The following INPP5D variants were observed in gnomAD, a reference collection of about 807,000 sequenced individuals.
The protein encoded by INPP5D is phosphatidylinositol 3,4,5-trisphosphate 5-phosphatase 1.
INPP5D carries 33 observed loss-of-function variants against 122.9 expected under a neutral mutation model. The observed-to-expected ratio is 0.27, with a 90% CI of 0.20 to 0.36. The LOEUF is 0.36. INPP5D is among the 10% of genes least tolerant of loss of function. INPP5D has a pLI of 1.00. For synonymous variants in INPP5D, 584 were observed against 576.2 expected (o/e 1.01, Z -0.19); for missense variants, 1,053 against 1,412.7 (o/e 0.75, Z 4.08).
chr2:233,154,222 C>G (rs1048010851), intron 9 of INPP5D, among the ~76,000 whole-genome samples: 1 of 152,162 alleles, frequency 6.6e-6, no homozygotes, highest in African/African-American at 2.4e-5. Flanking sequence ...GATCTCAGCT[C>G]GCAGCAACCT....
chr2:233,173,350 T>G (rs887253532), intron 17 of INPP5D, among the ~76,000 whole-genome samples: 1 of 152,204 alleles, frequency 6.6e-6, no homozygotes, highest in African/African-American at 2.4e-5. Flanking sequence ...TACTATGCAC[T>G]GCTGTAGACC....
chr2:233,149,484 T>C (rs1693866613), intron 9 of INPP5D, among the ~76,000 whole-genome samples: 1 of 152,168 alleles, frequency 6.6e-6, no homozygotes, highest in Non-Finnish European at 1.5e-5. Flanking sequence ...CAGAGTCCTC[T>C]CTGTCCCTGT....
rs1042296324 is a variant in INPP5D at position 233,100,324 on chromosome 2, A to G, written c.198+20926A>G. On this transcript the variant is annotated intron_variant, in intron 2 of 26. Coordinates refer to ENST00000445964, the MANE Select transcript of INPP5D (RefSeq NM_001017915.3). The surrounding 1 kb of genome is among the most constrained non-coding windows in gnomAD (Gnocchi z 5.3). ...CAACTTGTGAGGCCAGCAACCACAC[A>G]CTGGTAAACAGGTTTAGTTGACTTG... 2.0e-5 allele frequency among the ~76,000 whole-genome samples: 3 copies of G among 152,168 alleles called. No individual in the cohort carries two copies. The highest frequency in any genetic ancestry group is 4.4e-5 in the Non-Finnish European group (3 of 68,024).
rs1691592563 is a variant in INPP5D, at chr2:233,078,716, C to G, written c.135-619C>G. ...TGTTTTGTTTTGAGACGGAGTCTCA[C>G]TCTGTCGCCAGGCTGGAGTGAAGTG... On this transcript the variant is annotated intron_variant, in intron 1 of 26. Coordinates refer to ENST00000445964, the MANE Select transcript of INPP5D (RefSeq NM_001017915.3). This position sits in a 1 kb window ranked among gnomAD's most constrained non-coding sequence, Gnocchi z 4.6. Among the ~76,000 whole-genome samples the G allele has an allele frequency of 6.6e-6, 1 of 152,076 alleles. No individual in the cohort carries two copies. The highest frequency in any genetic ancestry group is 1.5e-5 in the Non-Finnish European group (1 of 68,018).
At position 233,184,413 on chromosome 2, in the gene INPP5D, G is replaced by A. The variant is rs1479427758; in HGVS notation, c.2167G>A (p.Gly723Arg). ...CGTGTTCTCCCCTGTTCCAGGTCCC[G>A]GGACTGTTGACAGCCAAGGACAGAT... is the stretch of plus-strand genomic sequence containing the variant. ...TSQFVSKNGPGTVDSQGQIEF... is the reference protein window; with the variant it reads ...TSQFVSKNGPRTVDSQGQIEF... The change falls in exon 20 of 27, where the codon GGG (glycine) becomes AGG (arginine). Residue 723 changes from glycine (G) to arginine (R), a missense_variant. Physicochemically the swap from Gly to Arg is moderately radical, Grantham distance 125. Around this residue, in one of 6 missense-constraint regions of INPP5D, gnomAD observed 258 missense variants for 439.1 expected, o/e 0.59. Coordinates refer to ENST00000445964, the MANE Select transcript of INPP5D (RefSeq NM_001017915.3). The A allele has an allele frequency of 5.6e-6, 9 of 1,613,790 alleles. No homozygotes were observed. Among genetic ancestry groups the A allele is most frequent in the East Asian group, 4.5e-5 (2 of 44,882 alleles).
chr2:233,169,504 A>T, intron 14 of INPP5D, 103 bp downstream of exon 14: 1 of 1,502,480 alleles, frequency 6.7e-7, no homozygotes, highest in Non-Finnish European at 8.9e-7. Flanking sequence ...CCTGCCTTTG[A>T]CCTTGTGGAT....
intron 5 of INPP5D, chr2:233,131,037 A>G (rs1693310994): frequency 3.5e-6 from 1 of 284,472 alleles, no homozygotes; most frequent in African/African-American, 2.3e-5. Context: ...AAGGAAATAA[A>G]TTAAAGTTAG....
intron 2 of INPP5D, among the ~76,000 whole-genome samples, chr2:233,098,126 T>C (rs528175706): frequency 6.6e-5 from 10 of 152,108 alleles, no homozygotes; most frequent in Non-Finnish European, 1.5e-4. Flanking sequence ...CTCGTGACCT[T>C]AAGTGATCCA....
rs560719423 is a variant in INPP5D, at chr2:233,122,302, T to TACTTTTGG, written c.349+45_349+46insACTTTTGG. 7.5e-4 allele frequency: 1,192 copies of TACTTTTGG among 1,589,062 alleles called. 9 individuals are homozygous for TACTTTTGG. The African/African-American group carries it at 0.015, about 19-fold the overall frequency. ...ACGGCAGGAGGTACTTTTGGGAACTTGCCCTGCACCCACCTTGAGTGCTTG... is the reference window on the plus strand; with the variant it reads ...ACGGCAGGAGGTACTTTTGGGAACTTACTTTTGGGCCCTGCACCCACCTTGAGTGCTTG... On this transcript the variant is annotated intron_variant, in intron 3 of 26. Coordinates refer to ENST00000445964, the MANE Select transcript of INPP5D (RefSeq NM_001017915.3).
chr2:233,149,162 G>A (rs1228628320), intron 9 of INPP5D, among the ~76,000 whole-genome samples: 1 of 138,356 alleles, frequency 7.2e-6, no homozygotes, highest in Non-Finnish European at 1.5e-5. Context: ...GGAGTGCAGT[G>A]CCACGATCTT....
chr2:233,094,643 G>T (rs1405387021), intron 2 of INPP5D, among the ~76,000 whole-genome samples: 1 of 151,494 alleles, frequency 6.6e-6, no homozygotes, highest in African/African-American at 2.4e-5. Context: ...TCAGAGTCTG[G>T]TCCACAGGCC....
intron 5 of INPP5D, among the ~76,000 whole-genome samples, chr2:233,137,557 G>C (rs980505022): frequency 6.7e-6 from 1 of 150,350 alleles, no homozygotes; most frequent in African/African-American, 2.5e-5. Context: ...CTGGGTTCAA[G>C]CTATTCTCCT....
intron 2 of INPP5D, among the ~76,000 whole-genome samples, chr2:233,117,071 T>C (rs1487220739): frequency 2.6e-5 from 4 of 152,168 alleles, no homozygotes; most frequent in African/African-American, 9.6e-5. Context: ...GGGCATCACT[T>C]GGGGGCCGCC....
chr2:233,061,949 G>A (rs1256337930), intron 1 of INPP5D, among the ~76,000 whole-genome samples: 2 of 152,260 alleles, frequency 1.3e-5, no homozygotes, highest in Non-Finnish European at 2.9e-5. Context: ...GCAGCTGGTC[G>A]CTGGCCTGTG....
Position 233,135,173 on chromosome 2 carries a change from A to C in INPP5D, c.665+4525A>C, listed in dbSNP as rs138089492. 9.0e-4 allele frequency among the ~76,000 whole-genome samples: 134 copies of C among 149,244 alleles called. 3 individuals carry two copies. Among genetic ancestry groups the C allele is most frequent in the African/African-American group, 3.0e-3 (123 of 40,654 alleles). ...AATGATCCAAATAATACAACAATCA[A>C]ACAGCAACACTGAAACATCTTTTTT... On this transcript the variant is annotated intron_variant, in intron 5 of 26. Transcript: ENST00000445964.
rs1280229238 is a variant in INPP5D, at chr2:233,170,453, A to G, written c.1792-43A>G. On this transcript the variant is annotated intron_variant, in intron 15 of 26. Transcript: ENST00000445964. This position sits in a 1 kb window ranked among gnomAD's most constrained non-coding sequence, Gnocchi z 4.5. ...CCCCGAAGCTTGTCAGGCCTGGATC[A>G]GCAGGGCTTCTCACCAGAGGCCCGG... The G allele has an allele frequency of 6.2e-7, 1 of 1,612,652 alleles. No individual in the cohort carries two copies. The highest frequency in any genetic ancestry group is 1.3e-5 in the African/African-American group (1 of 74,910).
chr2:233,153,157 T>A (rs766930755), intron 9 of INPP5D, among the ~76,000 whole-genome samples: 3 of 152,138 alleles, frequency 2.0e-5, no homozygotes, highest in Non-Finnish European at 4.4e-5. Context: ...CTGACTCTGA[T>A]GGAATAATAA....
intron 2 of INPP5D, among the ~76,000 whole-genome samples, chr2:233,090,962 GAAAA>G (rs112631725): frequency 2.3e-5 from 2 of 86,654 alleles, no homozygotes; most frequent in African/African-American, 8.2e-5. Flanking sequence ...CCGTCTCAAA[GAAAA>G]AAAAAAAAAA....
intron 2 of INPP5D, among the ~76,000 whole-genome samples, chr2:233,084,979 C>T (rs1691792843): frequency 6.6e-6 from 1 of 152,224 alleles, no homozygotes; most frequent in Non-Finnish European, 1.5e-5. Flanking sequence ...CTCTGAATAT[C>T]TCAAAACATC....
Sources: allele counts gnomAD v4.1 joint callset (sites outside exome capture counted in the v4.1 genomes callset), GRCh38; gene constraint gnomAD v4.1.1; regional missense constraint gnomAD v4.1.1; non-coding constraint Gnocchi (gnomAD v3.1); transcripts MANE v1.5; gene names NCBI Gene and HGNC (gene_info 2026-07-23, HGNC 2026-07-21).